RNU4ATAC: variants seen among roughly 807,000 people sequenced by gnomAD.
RNU4ATAC encodes RNA, U4atac small nuclear, also known as RNA, U4atac small nuclear (U12-dependent splicing).
Position 121,530,978 on chromosome 2 carries a change from T to C in RNU4ATAC, n.98T>C, listed in dbSNP as rs145446412. ...AACACACCCGCATCAACTAGAGCTT[T>C]TGCTTTATTTTGGTGCAATTTTTGG... On this transcript the variant is annotated non_coding_transcript_exon_variant, in exon 1 of 1. Transcript: ENST00000580972. 271 of 700,440 alleles carry C rather than the reference T, an allele frequency of 3.9e-4. 1 individual carries two copies. In the Middle Eastern group the frequency reaches 6.6e-3, roughly 17 times the overall value. The allele number at this position is 700,440 out of a possible 1,614,324, so 43.4% of individuals were successfully genotyped here. A position where few individuals can be genotyped will look rare whatever the true frequency, so the allele number is the denominator to read the frequency against.
At chr2:121,530,948 T>TA (rs1355984470) in exon 1 of RNU4ATAC, 10 of 700,314 alleles carry the variant, frequency 1.4e-5, no homozygotes, top group South Asian at 3.0e-5. Flanking sequence ...TGCTAACGCC[T>TA]GAACAACACA....
In RNU4ATAC at chr2:121,531,006, A is replaced by C. The variant is rs758573942; in HGVS notation, n.126A>C. The C allele has an allele frequency of 4.3e-6, 3 of 700,220 alleles. No homozygotes were observed. Among genetic ancestry groups the C allele is most frequent in the African/African-American group, 1.7e-5 (1 of 57,188 alleles). 43.4% of individuals were successfully genotyped at this position (700,220 alleles called of 1,614,324 possible). ...CTTTATTTTGGTGCAATTTTTGGAA[A>C]AATGAAAACCTGTTTTCATAGACTT... On this transcript the variant is annotated non_coding_transcript_exon_variant, in exon 1 of 1. Transcript: ENST00000580972.
At position 121,531,002 on chromosome 2, in the gene RNU4ATAC, G is replaced by A. The variant is rs750459950; in HGVS notation, n.122G>A. On this transcript the variant is annotated non_coding_transcript_exon_variant, in exon 1 of 1. Coordinates refer to ENST00000580972, the Ensembl canonical transcript of RNU4ATAC. ...TTTGCTTTATTTTGGTGCAATTTTTGGAAAAATGAAAACCTGTTTTCATAG... is the reference window on the plus strand; with the variant it reads ...TTTGCTTTATTTTGGTGCAATTTTTAGAAAAATGAAAACCTGTTTTCATAG... 5.4e-5 allele frequency: 38 copies of A among 699,986 alleles called. No individual in the cohort carries two copies. Among genetic ancestry groups the A allele is most frequent in the African/African-American group, 1.2e-4 (7 of 57,112 alleles). 43.4% of individuals were successfully genotyped at this position (699,986 alleles called of 1,614,324 possible). A position where few individuals can be genotyped will look rare whatever the true frequency, so the allele number is the denominator to read the frequency against.
In RNU4ATAC at chr2:121,530,887, C is replaced by G. The variant is rs370715569; in HGVS notation, n.7C>G. On this transcript the variant is annotated non_coding_transcript_exon_variant, in exon 1 of 1. Coordinates refer to ENST00000580972, the Ensembl canonical transcript of RNU4ATAC. ...CCAGGGACTTTCTATTATAACCATC[C>G]TTTTCTTGGGGTTGCGCTACTGTCC... 16 of 692,862 alleles carry G rather than the reference C, an allele frequency of 2.3e-5. No individual in the cohort carries two copies. Among genetic ancestry groups the G allele is most frequent in the South Asian group, 5.9e-5 (4 of 67,258 alleles). The allele number at this position is 692,862 out of a possible 1,614,324, so 42.9% of individuals were successfully genotyped here.
chr2:121,530,986 T>G (rs572870823), exon 1 of RNU4ATAC: 2 of 699,940 alleles, frequency 2.9e-6, no homozygotes, highest in African/African-American at 3.5e-5. Context: ...TTTTGCTTTA[T>G]TTTGGTGCAA....
rs1553615800 is a variant in RNU4ATAC at position 121,530,987 on chromosome 2, T to TTTGGTGCAA, written n.110_118dup. On this transcript the variant is annotated non_coding_transcript_exon_variant, in exon 1 of 1. Coordinates refer to ENST00000580972, the Ensembl canonical transcript of RNU4ATAC. ...GCATCAACTAGAGCTTTTGCTTTAT[T>TTTGGTGCAA]TTGGTGCAATTTTTGGAAAAATGAA... 2 of 700,212 alleles carry TTTGGTGCAA rather than the reference T, an allele frequency of 2.9e-6. No individual in the cohort carries two copies. Among genetic ancestry groups the TTTGGTGCAA allele is most frequent in the Non-Finnish European group, 2.6e-6 (1 of 384,794 alleles). 43.4% of individuals were successfully genotyped at this position (700,212 alleles called of 1,614,324 possible). A position where few individuals can be genotyped will look rare whatever the true frequency, so the allele number is the denominator to read the frequency against.
exon 1 of RNU4ATAC, chr2:121,530,890 T>TG: frequency 1.4e-6 from 1 of 693,700 alleles, no homozygotes; most frequent in Non-Finnish European, 2.6e-6. Context: ...AACCATCCTT[T>TG]TCTTGGGGTT....
rs528106770 is a variant in RNU4ATAC, at chr2:121,530,913, A to G, written n.33A>G. 4.7e-5 allele frequency: 33 copies of G among 699,340 alleles called. No homozygotes were observed. The highest frequency in any genetic ancestry group is 1.7e-4 in the African/African-American group (10 of 57,286). 43.3% of individuals were successfully genotyped at this position (699,340 alleles called of 1,614,324 possible). ...TTTTCTTGGGGTTGCGCTACTGTCCAATGAGCGCATAGTGAGGGCAGTACT... is the reference window on the plus strand; with the variant it reads ...TTTTCTTGGGGTTGCGCTACTGTCCGATGAGCGCATAGTGAGGGCAGTACT... On this transcript the variant is annotated non_coding_transcript_exon_variant, in exon 1 of 1. Transcript: ENST00000580972.
chr2:121,530,885 T>G (rs1208611147), exon 1 of RNU4ATAC: 2 of 693,034 alleles, frequency 2.9e-6, no homozygotes, highest in Non-Finnish European at 5.3e-6. Context: ...ATTATAACCA[T>G]CCTTTTCTTG....
In RNU4ATAC at chr2:121,530,941, T is replaced by C. The variant is rs1013303035; in HGVS notation, n.61T>C. ...GAGCGCATAGTGAGGGCAGTACTGC[T>C]AACGCCTGAACAACACACCCGCATC... is the stretch of plus-strand genomic sequence containing the variant. On this transcript the variant is annotated non_coding_transcript_exon_variant, in exon 1 of 1. Coordinates refer to ENST00000580972, the Ensembl canonical transcript of RNU4ATAC. 1.0e-5 allele frequency: 7 copies of C among 700,320 alleles called. No individual in the cohort carries two copies. Among genetic ancestry groups the C allele is most frequent in the African/African-American group, 5.2e-5 (3 of 57,188 alleles). The allele number at this position is 700,320 out of a possible 1,614,324, so 43.4% of individuals were successfully genotyped here.
exon 1 of RNU4ATAC, chr2:121,530,885 T>A (rs1208611147): frequency 5.8e-6 from 4 of 692,916 alleles, no homozygotes; most frequent in Non-Finnish European, 2.6e-6. Flanking sequence ...ATTATAACCA[T>A]CCTTTTCTTG....
In RNU4ATAC at chr2:121,530,924, A is replaced by T. The variant is rs551370385; in HGVS notation, n.44A>T. On this transcript the variant is annotated non_coding_transcript_exon_variant, in exon 1 of 1. Transcript: ENST00000580972. ...TTGCGCTACTGTCCAATGAGCGCAT[A>T]GTGAGGGCAGTACTGCTAACGCCTG... 3 of 699,868 alleles carry T rather than the reference A, an allele frequency of 4.3e-6. No individual in the cohort carries two copies. In the Admixed American group the frequency reaches 6.0e-5, roughly 14 times the overall value. The allele number at this position is 699,868 out of a possible 1,614,324, so 43.4% of individuals were successfully genotyped here. A position where few individuals can be genotyped will look rare whatever the true frequency, so the allele number is the denominator to read the frequency against.
Position 121,530,968 on chromosome 2 carries a change from A to G in RNU4ATAC, n.88A>G, listed in dbSNP as rs573109856. 68 of 700,400 alleles carry G rather than the reference A, an allele frequency of 9.7e-5. No homozygotes were observed. The highest frequency in any genetic ancestry group is 5.6e-4 in the African/African-American group (32 of 57,288). 43.4% of individuals were successfully genotyped at this position (700,400 alleles called of 1,614,324 possible). ...ACGCCTGAACAACACACCCGCATCA[A>G]CTAGAGCTTTTGCTTTATTTTGGTG... On this transcript the variant is annotated non_coding_transcript_exon_variant, in exon 1 of 1. Coordinates refer to ENST00000580972, the Ensembl canonical transcript of RNU4ATAC.
chr2:121,531,007 A>C (rs780395960), exon 1 of RNU4ATAC: 2 of 700,272 alleles, frequency 2.9e-6, no homozygotes, highest in Non-Finnish European at 5.2e-6. Flanking sequence ...TTTTTGGAAA[A>C]ATGAAAACCT....
At position 121,530,970 on chromosome 2, in the gene RNU4ATAC, T is replaced by G. The variant is rs1044488450; in HGVS notation, n.90T>G. 1 of 699,708 alleles carries G rather than the reference T, an allele frequency of 1.4e-6. No individual in the cohort carries two copies. The highest frequency in any genetic ancestry group is 2.0e-5 in the Admixed American group (1 of 49,966). The allele number at this position is 699,708 out of a possible 1,614,324, so 43.3% of individuals were successfully genotyped here. A position where few individuals can be genotyped will look rare whatever the true frequency, so the allele number is the denominator to read the frequency against. ...GCCTGAACAACACACCCGCATCAAC[T>G]AGAGCTTTTGCTTTATTTTGGTGCA... On this transcript the variant is annotated non_coding_transcript_exon_variant, in exon 1 of 1. Coordinates refer to ENST00000580972, the Ensembl canonical transcript of RNU4ATAC.
chr2:121,530,984 TATTTTGGTGCA>T, exon 1 of RNU4ATAC: 1 of 700,432 alleles, frequency 1.4e-6, no homozygotes, highest in Non-Finnish European at 2.6e-6. Flanking sequence ...GCTTTTGCTT[TATTTTGGTGCA>T]ATTTTTGGAA....
chr2:121,530,894 T>TA (rs1553615495), exon 1 of RNU4ATAC: 3 of 694,024 alleles, frequency 4.3e-6, no homozygotes, highest in African/African-American at 1.8e-5. Context: ...ATCCTTTTCT[T>TA]GGGGTTGCGC....
chr2:121,530,941 T>G (rs1013303035), exon 1 of RNU4ATAC: 1 of 700,438 alleles, frequency 1.4e-6, no homozygotes, highest in Non-Finnish European at 2.6e-6. Context: ...GCAGTACTGC[T>G]AACGCCTGAA....
In RNU4ATAC at chr2:121,530,988, T is replaced by G. The variant is rs544511887; in HGVS notation, n.108T>G. Reference sequence around the variant, plus strand: ...CATCAACTAGAGCTTTTGCTTTATTTTGGTGCAATTTTTGGAAAAATGAAA... The same window carrying G: ...CATCAACTAGAGCTTTTGCTTTATTGTGGTGCAATTTTTGGAAAAATGAAA... On this transcript the variant is annotated non_coding_transcript_exon_variant, in exon 1 of 1. Transcript: ENST00000580972. 18 of 700,244 alleles carry G rather than the reference T, an allele frequency of 2.6e-5. No individual in the cohort carries two copies. The highest frequency in any genetic ancestry group is 2.0e-4 in the Admixed American group (10 of 49,994). The allele number at this position is 700,244 out of a possible 1,614,324, so 43.4% of individuals were successfully genotyped here. A position where few individuals can be genotyped will look rare whatever the true frequency, so the allele number is the denominator to read the frequency against.
Sources: gnomAD v4.1 joint callset for allele counts on GRCh38, gnomAD v4.1.1 for gene constraint, MANE v1.5 for transcripts, NCBI Gene and HGNC (gene_info 2026-07-23, HGNC 2026-07-21) for gene names.